Variants in BDP1 observed in about 807,000 individuals in gnomAD.
BDP1 encodes the protein transcription factor TFIIIB component B'' homolog.
Under a neutral mutation model 266.6 loss-of-function variants are expected in BDP1, and 169 were observed. That is an observed-to-expected ratio of 0.63 (90% CI 0.56 to 0.72). The LOEUF is 0.72. Among genes scored for constraint, BDP1 ranks in the 30% least tolerant of loss-of-function variants. The probability of loss-of-function intolerance (pLI) is 0.00; values close to 1 mark genes in which losing one functional copy is unlikely to be tolerated. For missense variants in BDP1, 3,015 were observed against 3,053.8 expected, an observed-to-expected ratio of 0.99 and a Z score of 0.30; for synonymous variants, 1,090 against 1,022.4, an observed-to-expected ratio of 1.07 and a Z score of -1.26.
chr5:71,478,659 A>G (rs1032365760), intron 7 of BDP1, among the ~76,000 whole-genome samples: 2 of 145,902 alleles, frequency 1.4e-5, no homozygotes, highest in South Asian at 2.1e-4. Flanking sequence ...TGTTTTCAGG[A>G]TTTTTTTTTT....
At chr5:71,464,734 T>A (rs1199741625) in intron 4 of BDP1, among the ~76,000 whole-genome samples, 2 of 144,548 alleles carry the variant, frequency 1.4e-5, no homozygotes. Flanking sequence ...TTTTTTTTTT[T>A]TTTGAGATGG....
At position 71,509,812 on chromosome 5, in the gene BDP1, G is replaced by A; in HGVS notation, c.2720G>A (p.Arg907Lys). ...GAGACAGGTCTGAAAGCAATGGGAA[G>A]AGAGATTTGTCTAAGGGAGAAGACG... ...EMETGLKAMG[R>K]EICLREKTPE... Residue 907 changes from arginine to lysine, a missense_variant, in exon 17 of 39, where the codon AGA (arginine) becomes AAA (lysine). By Grantham distance (26) the Arg-to-Lys change is conservative. Around this residue, in one of 3 missense-constraint regions of BDP1, gnomAD observed 2,383 missense variants for 2,404.9 expected, o/e 0.99. Transcript: ENST00000358731. 2 of 1,614,114 alleles carry A rather than the reference G, an allele frequency of 1.2e-6. No homozygotes were observed. Among genetic ancestry groups the A allele is most frequent in the Non-Finnish European group, 1.7e-6 (2 of 1,180,018 alleles).
intron 35 of BDP1, among the ~76,000 whole-genome samples, chr5:71,553,989 C>G (rs1379990179): frequency 6.6e-6 from 1 of 152,202 alleles, no homozygotes; most frequent in Non-Finnish European, 1.5e-5. Flanking sequence ...CAGTCACCAA[C>G]CACTATGTTG....
At chr5:71,570,614 A>G (rs897393404), downstream of BDP1, among the ~76,000 whole-genome samples, 5 of 152,252 alleles carry the variant, frequency 3.3e-5, no homozygotes, top group African/African-American at 9.6e-5. Flanking sequence ...AAAATACACT[A>G]TGTCAATCCT....
chr5:71,554,054 G>T (rs185052521), intron 35 of BDP1, among the ~76,000 whole-genome samples: 6 of 152,250 alleles, frequency 3.9e-5, no homozygotes, highest in African/African-American at 1.4e-4. Context: ...ATCATAATTT[G>T]TAACTACACT....
chr5:71,553,303 C>T lies in BDP1; in HGVS notation c.7183C>T (p.Gln2395Ter), dbSNP rs1167903606. The T allele has an allele frequency of 2.5e-6, 4 of 1,612,282 alleles. No homozygotes were observed. The highest frequency in any genetic ancestry group is 3.4e-6 in the Non-Finnish European group (4 of 1,179,668). Residue 2395 changes from glutamine (Q) to a stop codon, truncating the protein, a stop_gained, in exon 35 of 39, where the codon CAA becomes TAA. Transcript: ENST00000358731. LOFTEE classifies it high-confidence loss of function. ...KRSLTLRDDC[Q>*]EYTTEVHSKE... Reference sequence around the variant, plus strand: ...TTCACTCACTTTAAGAGATGACTGTCAAGAATATACCACTGAGGTAAGTGG... The same window carrying T: ...TTCACTCACTTTAAGAGATGACTGTTAAGAATATACCACTGAGGTAAGTGG...
chr5:71,536,643 GAGGGAGACTCT>G (rs1766615294), intron 26 of BDP1, among the ~76,000 whole-genome samples: 1 of 152,096 alleles, frequency 6.6e-6, no homozygotes, highest in Non-Finnish European at 1.5e-5. Flanking sequence ...CTGGGCAACA[GAGGGAGACTCT>G]GTCTCTACAA....
Position 71,509,578 on chromosome 5 carries a change from C to T in BDP1, c.2486C>T (p.Ser829Leu). ...GGAACTGGAAGGAGAGAAATTTCCT[C>T]AAAGGAAGAGGTACTAGAGAAGATT... The part of the protein sequence containing the change: ...GRGTGRREIS[S>L]KEEVLEKILV... The change falls in exon 17 of 39, where the codon TCA becomes TTA. Residue 829 changes from serine to leucine, a missense_variant. Transcript: ENST00000358731. 2 of 1,613,574 alleles carry T rather than the reference C, an allele frequency of 1.2e-6. No individual in the cohort carries two copies. Among genetic ancestry groups the T allele is most frequent in the East Asian group, 2.2e-5 (1 of 44,874 alleles).
chr5:71,558,880 A>G (rs1051568120), intron 36 of BDP1, among the ~76,000 whole-genome samples: 1 of 149,980 alleles, frequency 6.7e-6, no homozygotes, highest in African/African-American at 2.5e-5. Context: ...TGGGCTGAGC[A>G]CAGTGGCTCA....
At position 71,455,686 on chromosome 5, in the gene BDP1, C is replaced by A; in HGVS notation, c.-192C>A. Reference sequence around the variant, plus strand: ...TTTAGCCATCGGTGTGTGGCAGGGTCATGAAAAAGCGGCGGCGGCGGGAGA... The same window carrying A: ...TTTAGCCATCGGTGTGTGGCAGGGTAATGAAAAAGCGGCGGCGGCGGGAGA... On this transcript the variant is annotated 5_prime_UTR_variant, in exon 1 of 39. Coordinates refer to ENST00000358731, the MANE Select transcript of BDP1 (RefSeq NM_018429.3). 1.7e-6 allele frequency: 1 copy of A among 605,358 alleles called. No individual in the cohort carries two copies. The highest frequency in any genetic ancestry group is 2.0e-5 in the South Asian group (1 of 51,168). 37.5% of individuals were successfully genotyped at this position (605,358 alleles called of 1,614,324 possible).
Position 71,546,644 on chromosome 5 carries a change from A to T in BDP1, c.6744+1425A>T, listed in dbSNP as rs1405135714. ...AAAAAAAAAAAAAAAAAAAAAAAAAAACCAAAAAACTGAATCATTTGAAAG... is the reference window on the plus strand; with the variant it reads ...AAAAAAAAAAAAAAAAAAAAAAAAATACCAAAAAACTGAATCATTTGAAAG... On this transcript the variant is annotated intron_variant, in intron 32 of 38. Coordinates refer to ENST00000358731, the MANE Select transcript of BDP1 (RefSeq NM_018429.3). Among the ~76,000 whole-genome samples the T allele has an allele frequency of 3.9e-4, 53 of 137,652 alleles. 1 individual carries two copies. The highest frequency in any genetic ancestry group is 1.4e-3 in the African/African-American group (53 of 37,246). 90.3% of individuals were successfully genotyped at this position (137,652 alleles called of 152,430 possible). A position where few individuals can be genotyped will look rare whatever the true frequency, so the allele number is the denominator to read the frequency against.
In BDP1 at chr5:71,512,222, A is replaced by G. The variant is rs548783539; in HGVS notation, c.4060-19A>G. On this transcript the variant is annotated intron_variant, in intron 17 of 38. Transcript: ENST00000358731. ...AATACTCTTTTATTTGTGCTGATTTACTATGACTGTTCCTCTAGAACATTA... is the reference window on the plus strand; with the variant it reads ...AATACTCTTTTATTTGTGCTGATTTGCTATGACTGTTCCTCTAGAACATTA... The G allele has an allele frequency of 1.3e-5, 18 of 1,335,644 alleles. No individual in the cohort carries two copies. The South Asian group carries it at 3.1e-4, about 23-fold the overall frequency. The allele number at this position is 1,335,644 out of a possible 1,614,324, so 82.7% of individuals were successfully genotyped here.
Position 71,556,926 on chromosome 5 carries a change from G to A in BDP1, c.7240+1G>A, listed in dbSNP as rs1486014236. The stretch of plus-strand genomic sequence containing the variant: ...TTAACAAATGTTTTTGAGGAAACAG[G>A]TAAGTGAAATACATTTTAACATGAT... On this transcript the variant is annotated splice_donor_variant, in intron 36 of 38. Coordinates refer to ENST00000358731, the MANE Select transcript of BDP1 (RefSeq NM_018429.3). LOFTEE classifies it high-confidence loss of function. The A allele has an allele frequency of 1.4e-6, 2 of 1,443,922 alleles. No homozygotes were observed. Among genetic ancestry groups the A allele is most frequent in the African/African-American group, 1.5e-5 (1 of 67,848 alleles). The allele number at this position is 1,443,922 out of a possible 1,614,324, so 89.4% of individuals were successfully genotyped here.
At chr5:71,570,447 G>A (rs1416478268), downstream of BDP1, among the ~76,000 whole-genome samples, 1 of 152,122 alleles carries the variant, frequency 6.6e-6, no homozygotes, top group African/African-American at 2.4e-5. Context: ...CTGGAAACTG[G>A]ATATGAGGCT....
At chr5:71,490,061 T>C (rs1763496676) in intron 10 of BDP1, among the ~76,000 whole-genome samples, 1 of 152,240 alleles carries the variant, frequency 6.6e-6, no homozygotes, top group Non-Finnish European at 1.5e-5. Context: ...GGTTAGTTCC[T>C]ATAAAAGAAC....
In BDP1 at chr5:71,565,215, G is replaced by A. The variant is rs1580238550; in HGVS notation, c.*330G>A. ...ATGTTGTGGATATATGTCTCTGTAT[G>A]AATTGCAGTGCAGACAGATTTGGGG... is the stretch of plus-strand genomic sequence containing the variant. On this transcript the variant is annotated 3_prime_UTR_variant, in exon 39 of 39. Transcript: ENST00000358731. 1 of 190,962 alleles carries A rather than the reference G, an allele frequency of 5.2e-6. No individual in the cohort carries two copies. The highest frequency in any genetic ancestry group is 1.3e-4 in the East Asian group (1 of 7,532). The allele number at this position is 190,962 out of a possible 1,614,324, so 11.8% of individuals were successfully genotyped here.
In BDP1 at chr5:71,562,534, A is replaced by G. The variant is rs750877548; in HGVS notation, c.7743+14A>G. The G allele has an allele frequency of 8.7e-6, 14 of 1,610,474 alleles. No homozygotes were observed. The highest frequency in any genetic ancestry group is 1.7e-4 in the Middle Eastern group (1 of 6,046). ...TCAGCAACTCAGGTATGTGATAACT[A>G]CTGTATTTTATAGTTTGTATGAGAT... On this transcript the variant is annotated intron_variant, in intron 38 of 38. Coordinates refer to ENST00000358731, the MANE Select transcript of BDP1 (RefSeq NM_018429.3).
chr5:71,535,291 G>A (rs1217636211), intron 26 of BDP1, among the ~76,000 whole-genome samples: 3 of 150,914 alleles, frequency 2.0e-5, no homozygotes, highest in Non-Finnish European at 2.9e-5. Context: ...TGCACCCTCC[G>A]CCTCCCAGTT....
chr5:71,537,155 A>ACC (rs1399573653), intron 26 of BDP1, among the ~76,000 whole-genome samples: 1 of 150,094 alleles, frequency 6.7e-6, no homozygotes, highest in Non-Finnish European at 1.5e-5. Flanking sequence ...AAACCAAAAA[A>ACC]AAAAAAAAAA....
Sources: gnomAD v4.1 joint callset for allele counts (sites outside exome capture counted in the v4.1 genomes callset) on GRCh38, gnomAD v4.1.1 for gene constraint, gnomAD v4.1.1 regional missense constraint, MANE v1.5 for transcripts, NCBI Gene and HGNC (gene_info 2026-07-23, HGNC 2026-07-21) for gene names.